Variants in ZNF469 observed in about 807,000 individuals in gnomAD.
The protein encoded by ZNF469 is zinc finger protein 469.
A neutral mutation model predicts 1.0 loss-of-function variants in ZNF469; 1 was observed. The observed-to-expected ratio is 1.00, with a 90% CI of 0.35 to 4.73. ZNF469 has a LOEUF of 4.73. ZNF469 is among the 30% of genes most tolerant of loss of function. The pLI is 0.16. For missense variants in ZNF469, 6,100 were observed against 5,356.3 expected (o/e 1.14, Z -4.33); for synonymous variants, 2,703 against 2,363.4 (o/e 1.14, Z -4.17).
the ZNF469 span, among the ~76,000 whole-genome samples, chr16:88,281,452 C>A: frequency 6.7e-6 from 1 of 149,372 alleles, no homozygotes; most frequent in African/African-American, 2.5e-5. Flanking sequence ...AGTGCTGTGC[C>A]ACACCGATGC....
chr16:88,353,324 C>G, the ZNF469 span, among the ~76,000 whole-genome samples: 1 of 152,250 alleles, frequency 6.6e-6, no homozygotes, highest in Non-Finnish European at 1.5e-5. Context: ...CAGGAACCAC[C>G]GATGGCTTCT....
the ZNF469 span, among the ~76,000 whole-genome samples, chr16:88,293,096 G>A: frequency 6.6e-6 from 1 of 152,202 alleles, no homozygotes; most frequent in East Asian, 1.9e-4. Flanking sequence ...GTGGGTGGAT[G>A]GATGGATGGG....
the ZNF469 span, among the ~76,000 whole-genome samples, chr16:88,137,953 G>A: frequency 6.6e-6 from 1 of 152,140 alleles, no homozygotes; most frequent in Non-Finnish European, 1.5e-5. Flanking sequence ...TGCCCAAGAC[G>A]ATAGAGCCGG....
At chr16:88,186,148 C>A in the ZNF469 span, among the ~76,000 whole-genome samples, 1 of 152,190 alleles carries the variant, frequency 6.6e-6, no homozygotes, top group South Asian at 2.1e-4. Context: ...GGAGTGTATT[C>A]GACTGCGGGG....
chr16:88,206,545 A>G, the ZNF469 span, among the ~76,000 whole-genome samples: 1 of 151,884 alleles, frequency 6.6e-6, no homozygotes, highest in Non-Finnish European at 1.5e-5. Flanking sequence ...GATTACCACA[A>G]TCGTGTTCTT....
At chr16:88,161,651 C>A in the ZNF469 span, among the ~76,000 whole-genome samples, 1 of 152,068 alleles carries the variant, frequency 6.6e-6, no homozygotes, top group African/African-American at 2.4e-5. Context: ...TTTATTCGGA[C>A]TTCACTAGAA....
chr16:88,117,374 T>C, the ZNF469 span, among the ~76,000 whole-genome samples: 3 of 152,212 alleles, frequency 2.0e-5, no homozygotes, highest in Admixed American at 6.5e-5. Flanking sequence ...GTTTCAAAAA[T>C]AAAAGTTTTT....
chr16:88,382,048 C>T (rs1309310918), upstream of ZNF469, among the ~76,000 whole-genome samples: 1 of 152,244 alleles, frequency 6.6e-6, no homozygotes, highest in East Asian at 1.9e-4. Flanking sequence ...TTCCTTTCTG[C>T]GAAGTCCCCC....
chr16:88,310,677 G>A, the ZNF469 span, among the ~76,000 whole-genome samples: 1 of 152,018 alleles, frequency 6.6e-6, no homozygotes, highest in Non-Finnish European at 1.5e-5. Context: ...CCACCTCCTG[G>A]GTTCAAGCGA....
chr16:88,163,767 C>T, the ZNF469 span, among the ~76,000 whole-genome samples: 3 of 150,484 alleles, frequency 2.0e-5, no homozygotes, highest in South Asian at 2.1e-4. Context: ...ATGAATGGAT[C>T]GGTGGATAGA....
At chr16:88,332,630 G>GA in the ZNF469 span, among the ~76,000 whole-genome samples, 78 of 152,242 alleles carry the variant, frequency 5.1e-4, no homozygotes, top group African/African-American at 1.9e-3. Flanking sequence ...TGTGAGGCAG[G>GA]GAGAGGGAAG....
the ZNF469 span, among the ~76,000 whole-genome samples, chr16:88,239,707 ATATATATATTTTTTTTTTTTTTTT>A: frequency 3.7e-4 from 2 of 5,396 alleles, no homozygotes; most frequent in East Asian, 0.014. Flanking sequence ...ATATATATAT[ATATATATATTTTTTTTTTTTTTTT>A]TTTTTTTTTT....
At chr16:88,300,955 C>T in the ZNF469 span, among the ~76,000 whole-genome samples, 36 of 151,996 alleles carry the variant, frequency 2.4e-4, no homozygotes, top group Non-Finnish European at 4.1e-4. Context: ...ATCCCAGCTA[C>T]TCGGGAGGCT....
the ZNF469 span, among the ~76,000 whole-genome samples, chr16:88,205,973 A>G: frequency 6.6e-6 from 1 of 152,122 alleles, no homozygotes; most frequent in Non-Finnish European, 1.5e-5. This position sits in a 1 kb window ranked among gnomAD's most constrained non-coding sequence, Gnocchi z 4.2. Flanking sequence ...GGCCCAGCCC[A>G]TGACAGGCCT....
chr16:88,144,919 G>A, the ZNF469 span, among the ~76,000 whole-genome samples: 3 of 150,444 alleles, frequency 2.0e-5, no homozygotes, highest in African/African-American at 4.9e-5. Flanking sequence ...GTGTGATCTC[G>A]GCTCACTGCA....
chr16:88,359,934 A>G, the ZNF469 span, among the ~76,000 whole-genome samples: 515 of 152,368 alleles, frequency 3.4e-3, 3 homozygotes, highest in Admixed American at 0.023. Flanking sequence ...TAAGTTGCAG[A>G]CATTAATACA....
the ZNF469 span, among the ~76,000 whole-genome samples, chr16:88,222,800 T>C: frequency 4.6e-5 from 7 of 151,944 alleles, no homozygotes; most frequent in African/African-American, 7.2e-5. Context: ...GCTCTTGCTA[T>C]ATTGCCCAAG....
chr16:88,410,086 A>G (rs1905108937), intron 1 of ZNF469, among the ~76,000 whole-genome samples: 1 of 149,904 alleles, frequency 6.7e-6, no homozygotes, highest in Non-Finnish European at 1.5e-5. Context: ...CCACTGATAG[A>G]TCAGATGTGG....
the ZNF469 span, among the ~76,000 whole-genome samples, chr16:88,203,667 T>C: frequency 6.6e-6 from 1 of 152,188 alleles, no homozygotes; most frequent in Non-Finnish European, 1.5e-5. Flanking sequence ...CGTCCTTGGC[T>C]TGTGGCCATG....
Sources: gnomAD v4.1 joint callset for allele counts (sites outside exome capture counted in the v4.1 genomes callset) on GRCh38, gnomAD v4.1.1 for gene constraint, Gnocchi (gnomAD v3.1) non-coding constraint, MANE v1.5 for transcripts, NCBI Gene and HGNC (gene_info 2026-07-23, HGNC 2026-07-21) for gene names.